ADARB2: variants seen among roughly 807,000 people sequenced by gnomAD.
ADARB2 encodes the protein adenosine deaminase RNA specific B2 (inactive).
In ADARB2, 25 loss-of-function variants were observed where a neutral mutation model predicts 62.2. That is an observed-to-expected ratio of 0.40 (90% CI 0.29 to 0.56). ADARB2 has a LOEUF of 0.56. Ranked by LOEUF, ADARB2 falls within the 20% of genes least tolerant of loss-of-function variation. The pLI is 0.43. For synonymous variants in ADARB2, 572 were observed against 500.8 expected, an observed-to-expected ratio of 1.14 and a Z score of -1.90; for missense variants, 1,071 against 1,077.4, an observed-to-expected ratio of 0.99 and a Z score of 0.08.
chr10:1,581,807 A>G (rs1833103819), intron 1 of ADARB2, among the ~76,000 whole-genome samples: 1 of 150,714 alleles, frequency 6.6e-6, no homozygotes, highest in African/African-American at 2.4e-5. Flanking sequence ...AGATAGGCAT[A>G]GAGATGACTT....
At chr10:1,443,086 C>T (rs1830923892) in intron 1 of ADARB2, among the ~76,000 whole-genome samples, 1 of 151,900 alleles carries the variant, frequency 6.6e-6, no homozygotes, top group South Asian at 2.1e-4. Flanking sequence ...ATAAAAACAA[C>T]AAACAAACAA....
At chr10:1,304,538 A>G (rs1251803587) in intron 3 of ADARB2, among the ~76,000 whole-genome samples, 1 of 152,244 alleles carries the variant, frequency 6.6e-6, no homozygotes, top group Admixed American at 6.5e-5. Context: ...ATAGACATCT[A>G]CAGAACTCTC....
intron 3 of ADARB2, chr10:1,292,537 C>T (rs571468637): frequency 2.6e-5 from 4 of 152,300 alleles, no homozygotes; most frequent in African/African-American, 7.2e-5. Context: ...TACCCTGTTG[C>T]ACCAGGAATC....
At position 1,182,976 on chromosome 10, in the gene ADARB2, C is replaced by T; in HGVS notation, c.*217G>A. 3 of 579,850 alleles carry T rather than the reference C, an allele frequency of 5.2e-6. No homozygotes were observed. The highest frequency in any genetic ancestry group is 9.1e-6 in the Non-Finnish European group (3 of 329,578). The allele number at this position is 579,850 out of a possible 1,614,324, so 35.9% of individuals were successfully genotyped here. On this transcript the variant is annotated 3_prime_UTR_variant, in exon 10 of 10. Coordinates refer to ENST00000381312, the MANE Select transcript of ADARB2 (RefSeq NM_018702.4). ...GGCGCTAACTCAACAGTGCATGTGC[C>T]CCTGGGTGTGGGGGACAGGGTTCTG...
intron 3 of ADARB2, among the ~76,000 whole-genome samples, chr10:1,333,290 G>A (rs1445382239): frequency 6.6e-6 from 1 of 152,194 alleles, no homozygotes; most frequent in South Asian, 2.1e-4. Flanking sequence ...GGAAGAAGCT[G>A]TGGTCTCAAT....
intron 1 of ADARB2, among the ~76,000 whole-genome samples, chr10:1,539,843 G>T (rs1447005843): frequency 1.3e-5 from 2 of 152,166 alleles, no homozygotes; most frequent in African/African-American, 2.4e-5. Context: ...TGATTTGCAT[G>T]CAACATAACA....
chr10:1,275,332 C>T (rs1831304981), intron 3 of ADARB2, among the ~76,000 whole-genome samples: 1 of 152,150 alleles, frequency 6.6e-6, no homozygotes, highest in South Asian at 2.1e-4. Flanking sequence ...TCCACCCACC[C>T]CAGCTGGAGG....
At chr10:1,569,808 C>A (rs941670102) in intron 1 of ADARB2, among the ~76,000 whole-genome samples, 1 of 151,914 alleles carries the variant, frequency 6.6e-6, no homozygotes, top group African/African-American at 2.4e-5. Flanking sequence ...TGATATTATG[C>A]TCAAGACTTT....
At chr10:1,197,658 A>T (rs115794201) in intron 8 of ADARB2, among the ~76,000 whole-genome samples, 406 of 152,372 alleles carry the variant, frequency 2.7e-3, no homozygotes, top group African/African-American at 9.4e-3. Flanking sequence ...CTCAGATTTC[A>T]TGTTCGTTGC....
intron 4 of ADARB2, among the ~76,000 whole-genome samples, chr10:1,266,695 C>A (rs966313753): frequency 6.6e-6 from 1 of 152,048 alleles, no homozygotes; most frequent in South Asian, 2.1e-4. Context: ...TGTATTCAGA[C>A]GAGAGCCATC....
intron 1 of ADARB2, among the ~76,000 whole-genome samples, chr10:1,535,215 C>A (rs1001331602): frequency 6.6e-6 from 1 of 152,112 alleles, no homozygotes; most frequent in African/African-American, 2.4e-5. Flanking sequence ...ACGCCGTCCC[C>A]GGGCAACACA....
intron 7 of ADARB2, 124 bp downstream of exon 7, chr10:1,216,827 C>G: frequency 2.3e-6 from 3 of 1,290,314 alleles, no homozygotes; most frequent in Non-Finnish European, 2.1e-6. Context: ...GGCTCAGGCA[C>G]AGGGCCCTGA....
chr10:1,682,465 GCAAAAATGACCC>G (rs1564366698), intron 1 of ADARB2, among the ~76,000 whole-genome samples: 1 of 152,194 alleles, frequency 6.6e-6, no homozygotes, highest in Non-Finnish European at 1.5e-5. Flanking sequence ...AACCAACCAA[GCAAAAATGACCC>G]CAAACCAGAG....
intron 3 of ADARB2, among the ~76,000 whole-genome samples, chr10:1,314,664 T>C (rs745844004): frequency 1.1e-4 from 17 of 152,162 alleles, no homozygotes; most frequent in Non-Finnish European, 2.2e-4. Flanking sequence ...GAGCTGAGTC[T>C]GAGGTGCCCA....
chr10:1,337,028 A>G (rs1160294511), intron 3 of ADARB2, among the ~76,000 whole-genome samples: 1 of 151,296 alleles, frequency 6.6e-6, no homozygotes. Context: ...AACTAATCCA[A>G]ATAAAGATTT....
rs1321046055 is a variant in ADARB2, at chr10:1,398,183, C to T, written c.101-19023G>A. On this transcript the variant is annotated intron_variant, in intron 1 of 9. Transcript: ENST00000381312. The surrounding 1 kb of genome is among the most constrained non-coding windows in gnomAD (Gnocchi z 4.1). ...GGGTCACCGTCCTCCTCTCCCGTCC[C>T]GAGTGCAGGCTTCCTGGGTCACCAT... Among the ~76,000 whole-genome samples the T allele has an allele frequency of 1.3e-5, 2 of 148,942 alleles. No individual in the cohort carries two copies. The highest frequency in any genetic ancestry group is 3.0e-5 in the Non-Finnish European group (2 of 67,266).
At chr10:1,664,161 C>T (rs1390837653) in intron 1 of ADARB2, among the ~76,000 whole-genome samples, 4 of 150,634 alleles carry the variant, frequency 2.7e-5, no homozygotes, top group Middle Eastern at 3.4e-3. Flanking sequence ...TCTGTGTGCC[C>T]GTGTTTCTGT....
chr10:1,512,161 T>A (rs747542507), intron 1 of ADARB2, among the ~76,000 whole-genome samples: 3 of 151,852 alleles, frequency 2.0e-5, no homozygotes, highest in African/African-American at 4.8e-5. Context: ...CCACACTAGA[T>A]ACCAAGACTT....
intron 1 of ADARB2, among the ~76,000 whole-genome samples, chr10:1,727,011 A>AT (rs1434767606): frequency 6.6e-6 from 1 of 152,172 alleles, no homozygotes; most frequent in African/African-American, 2.4e-5. Flanking sequence ...AATCTCTACC[A>AT]TGTAGCACAG....
Sources: gnomAD v4.1 joint callset for allele counts (sites outside exome capture counted in the v4.1 genomes callset) on GRCh38, gnomAD v4.1.1 for gene constraint, Gnocchi (gnomAD v3.1) non-coding constraint, MANE v1.5 for transcripts, NCBI Gene and HGNC (gene_info 2026-07-23, HGNC 2026-07-21) for gene names.